Variants in EPB41L1 observed in about 807,000 individuals in gnomAD.
The protein encoded by EPB41L1 is erythrocyte membrane protein band 4.1 like 1.
EPB41L1 carries 29 observed loss-of-function variants against 97.8 expected under a neutral mutation model. That is an observed-to-expected ratio of 0.30 (90% confidence interval 0.22 to 0.40). EPB41L1 has a LOEUF of 0.40. EPB41L1 is among the 10% of genes least tolerant of loss of function. The pLI is 1.00. For synonymous variants in EPB41L1, 383 were observed against 459.2 expected (o/e 0.83, Z 2.12); for missense variants, 812 against 1,162.3 (o/e 0.70, Z 4.38).
rs544507158 is a variant in EPB41L1, at chr20:36,192,393, T to C, written c.1300+1596T>C. Among the ~76,000 whole-genome samples the C allele has an allele frequency of 2.2e-4, 34 of 151,894 alleles. No homozygotes were observed. In the South Asian group the frequency reaches 7.1e-3, roughly 32 times the overall value. On this transcript the variant is annotated intron_variant, in intron 11 of 21. Coordinates refer to ENST00000338074, the MANE Select transcript of EPB41L1 (RefSeq NM_012156.2). ...TAAAAATACAAAGATTAGCCAGGCA[T>C]GGTGGCAGGCGCCTGTAGTCCCAGC...
At chr20:36,150,730 G>A (rs948700927), upstream of EPB41L1, 2 of 152,220 alleles carry the variant, frequency 1.3e-5, no homozygotes, top group African/African-American at 4.8e-5. Context: ...AGGCACAGAG[G>A]AAGTGCTCAG....
intron 2 of EPB41L1, among the ~76,000 whole-genome samples, chr20:36,134,637 T>G (rs2059346201): frequency 6.6e-6 from 1 of 152,084 alleles, no homozygotes; most frequent in Non-Finnish European, 1.5e-5. Flanking sequence ...GAGTTGAGAA[T>G]AAAGAGTGGA....
At chr20:36,224,632 C>T (rs966728069) in intron 21 of EPB41L1, among the ~76,000 whole-genome samples, 6 of 152,028 alleles carry the variant, frequency 3.9e-5, no homozygotes, top group Admixed American at 6.5e-5. Flanking sequence ...GGCAACAGAG[C>T]GAGACTCCGT....
Position 36,231,292 on chromosome 20 carries a change from GA to G in EPB41L1, c.*1956del. 1 of 152,342 alleles carries G rather than the reference GA, an allele frequency of 6.6e-6. No homozygotes were observed. Among genetic ancestry groups the G allele is most frequent in the Non-Finnish European group, 1.5e-5 (1 of 68,034 alleles). 9.4% of individuals were successfully genotyped at this position (152,342 alleles called of 1,614,324 possible). ...GCTCAGAAAGTGCCCCTTGATGAGG[GA>G]AAATGTCCCACTGCACTGCGAATTT... On this transcript the variant is annotated 3_prime_UTR_variant, in exon 22 of 22. Transcript: ENST00000338074.
Position 36,187,855 on chromosome 20 carries a change from G to A in EPB41L1, c.873+92G>A, listed in dbSNP as rs17093428. The A allele has an allele frequency of 7.5e-6, 8 of 1,059,876 alleles. No individual in the cohort carries two copies. The African/African-American group carries it at 1.1e-4, about 15-fold the overall frequency. 65.7% of individuals were successfully genotyped at this position (1,059,876 alleles called of 1,614,324 possible). On this transcript the variant is annotated intron_variant, in intron 8 of 21. Coordinates refer to ENST00000338074, the MANE Select transcript of EPB41L1 (RefSeq NM_012156.2). ...CCTAGGGCGTGGTGTGCCAGACCCT[G>A]TGTTACCTCCAACTTGAAACCTTTT...
chr20:36,221,933 G>C lies in EPB41L1; in HGVS notation c.2509G>C (p.Asp837His). The C allele has an allele frequency of 1.9e-6, 3 of 1,614,130 alleles. No individual in the cohort carries two copies. Among genetic ancestry groups the C allele is most frequent in the Non-Finnish European group, 2.5e-6 (3 of 1,180,014 alleles). ...RIIITGDEDV[D>H]QDQALALAIK... ...CATCATTACTGGGGATGAAGATGTC[G>C]ATCAAGACCAGGTATGGGGGTAGCA... Residue 837 changes from aspartate to histidine, a missense_variant, in exon 20 of 22, where the codon GAT becomes CAT. Coordinates refer to ENST00000338074, the MANE Select transcript of EPB41L1 (RefSeq NM_012156.2).
At chr20:36,171,307 G>C (rs1334999593) in intron 1 of EPB41L1, among the ~76,000 whole-genome samples, 10 of 152,140 alleles carry the variant, frequency 6.6e-5, no homozygotes, top group Non-Finnish European at 1.5e-4. Context: ...CTCCCCTAGA[G>C]CAGCTCTCAT....
chr20:36,206,905 C>T lies in EPB41L1; in HGVS notation c.1669-2583C>T. ...TCCTCACAGAGGACAGGGCGTGCAT[C>T]CCGACCCCCAGGCCTGCGCCCTTCC... On this transcript the variant is annotated intron_variant, in intron 14 of 21. Coordinates refer to ENST00000338074, the MANE Select transcript of EPB41L1 (RefSeq NM_012156.2). This position sits in a 1 kb window ranked among gnomAD's most constrained non-coding sequence, Gnocchi z 5.5. 7.8e-7 allele frequency: 1 copy of T among 1,289,948 alleles called. No homozygotes were observed. Among genetic ancestry groups the T allele is most frequent in the Non-Finnish European group, 1.0e-6 (1 of 988,904 alleles). 79.9% of individuals were successfully genotyped at this position (1,289,948 alleles called of 1,614,324 possible). A position where few individuals can be genotyped will look rare whatever the true frequency, so the allele number is the denominator to read the frequency against.
At chr20:36,118,722 T>C (rs1363108364) in intron 2 of EPB41L1, among the ~76,000 whole-genome samples, 1 of 152,270 alleles carries the variant, frequency 6.6e-6, no homozygotes, top group African/African-American at 2.4e-5. Flanking sequence ...AGGTGCTTAA[T>C]AGATGCTTAA....
chr20:36,151,311 C>CT (rs2060040058), upstream of EPB41L1: 1 of 152,256 alleles, frequency 6.6e-6, no homozygotes, highest in African/African-American at 2.4e-5. Context: ...GGTCCTGTCC[C>CT]TTCTCTTCTG....
intron 2 of EPB41L1, chr20:36,121,660 G>A (rs1196354078): frequency 6.6e-6 from 1 of 152,108 alleles, no homozygotes; most frequent in Non-Finnish European, 1.5e-5. Context: ...GGTCTCACAG[G>A]CCCTGGAAGT....
At chr20:36,210,212 C>T (rs979638182) in intron 15 of EPB41L1, among the ~76,000 whole-genome samples, 4 of 152,178 alleles carry the variant, frequency 2.6e-5, no homozygotes, top group East Asian at 1.9e-4. Context: ...AGAGAGCATG[C>T]GTCTGTGGAC....
intron 6 of EPB41L1, among the ~76,000 whole-genome samples, chr20:36,183,635 G>A (rs1257123283): frequency 1.3e-5 from 2 of 152,232 alleles, no homozygotes; most frequent in Non-Finnish European, 2.9e-5. Flanking sequence ...CCCAGGAGAT[G>A]GGTGCTATAG....
intron 21 of EPB41L1, among the ~76,000 whole-genome samples, chr20:36,226,653 C>T (rs190876843): frequency 3.3e-5 from 5 of 152,174 alleles, no homozygotes; most frequent in African/African-American, 9.7e-5. Context: ...CCTACCACAT[C>T]GCGAGTGCTT....
intron 14 of EPB41L1, among the ~76,000 whole-genome samples, chr20:36,199,741 G>A (rs1159477981): frequency 6.6e-6 from 1 of 152,160 alleles, no homozygotes; most frequent in Non-Finnish European, 1.5e-5. Context: ...GCCCTTCAGC[G>A]TGGCCCCTAA....
At chr20:36,227,398 C>T (rs926223634) in intron 21 of EPB41L1, among the ~76,000 whole-genome samples, 2 of 152,200 alleles carry the variant, frequency 1.3e-5, no homozygotes, top group African/African-American at 4.8e-5. Flanking sequence ...ACCTTGGTAG[C>T]TGTGTGCCCA....
intron 2 of EPB41L1, chr20:36,125,294 G>T (rs2058917700): frequency 1.6e-6 from 1 of 619,896 alleles, no homozygotes; most frequent in Non-Finnish European, 2.9e-6. Flanking sequence ...TTGTTTCTGG[G>T]GAGTGGAGGA....
Position 36,176,630 on chromosome 20 carries a change from CTTTTTTTT to C in EPB41L1, c.342+924_342+931del, listed in dbSNP as rs549487167. ...TGTACATGTATTTTTTCTTTTTTTTCTTTTTTTTTTTTTTTTGTTGAGACAGAGTCTTG... is the reference window on the plus strand; with the variant it reads ...TGTACATGTATTTTTTCTTTTTTTTCTTTTTTTTGTTGAGACAGAGTCTTG... On this transcript the variant is annotated intron_variant, in intron 3 of 21. Transcript: ENST00000338074. Among the ~76,000 whole-genome samples, 13 of 136,770 alleles carry C rather than the reference CTTTTTTTT, an allele frequency of 9.5e-5. No homozygotes were observed. In the Admixed American group the frequency reaches 9.8e-4, roughly 10 times the overall value. The allele number at this position is 136,770 out of a possible 152,430, so 89.7% of individuals were successfully genotyped here. A position where few individuals can be genotyped will look rare whatever the true frequency, so the allele number is the denominator to read the frequency against.
At chr20:36,135,710 G>C (rs571589124) in intron 2 of EPB41L1, among the ~76,000 whole-genome samples, 1 of 152,336 alleles carries the variant, frequency 6.6e-6, no homozygotes, top group East Asian at 1.9e-4. Flanking sequence ...CTTTGCACAA[G>C]CTGCTCTTCT....
Sources: allele counts gnomAD v4.1 joint callset (sites outside exome capture counted in the v4.1 genomes callset), GRCh38; gene constraint gnomAD v4.1.1; non-coding constraint Gnocchi (gnomAD v3.1); transcripts MANE v1.5; gene names NCBI Gene and HGNC (gene_info 2026-07-23, HGNC 2026-07-21).